Variants in ZYX observed in about 807,000 individuals in gnomAD.
The protein encoded by ZYX is zyxin, also known as zyxin-2.
Under a neutral mutation model 58.1 loss-of-function variants are expected in ZYX, and 37 were observed. That is an observed-to-expected ratio of 0.64 (90% confidence interval 0.49 to 0.84). ZYX has a LOEUF of 0.84. Among genes scored for constraint, ZYX ranks in the 40% least tolerant of loss-of-function variants. ZYX has a pLI of 0.00. For synonymous variants in ZYX, 324 were observed against 321.1 expected, an observed-to-expected ratio of 1.01 and a Z score of -0.10; for missense variants, 762 against 761.6, an observed-to-expected ratio of 1.00 and a Z score of -0.01.
chr7:143,386,574 G>A (rs1205898559), intron 5 of ZYX, among the ~76,000 whole-genome samples: 1 of 152,132 alleles, frequency 6.6e-6, no homozygotes, highest in Non-Finnish European at 1.5e-5. Flanking sequence ...GAAGAGGGTG[G>A]TGGTGTGACT....
Position 143,384,359 on chromosome 7 carries a change from GA to G in ZYX, c.1023+1040del, listed in dbSNP as rs1408967203. ...AGAGGAGAGGGATGTTTGGAGAACA[GA>G]AAGTGGAAGGTTCCTGTAGGAAAAT... On this transcript the variant is annotated intron_variant, in intron 5 of 9. Coordinates refer to ENST00000322764, the MANE Select transcript of ZYX (RefSeq NM_003461.5). This position sits in a 1 kb window ranked among gnomAD's most constrained non-coding sequence, Gnocchi z 4.9. The G allele has an allele frequency of 2.3e-6, 1 of 437,590 alleles. No homozygotes were observed. Among genetic ancestry groups the G allele is most frequent in the African/African-American group, 2.0e-5 (1 of 49,212 alleles). 27.1% of individuals were successfully genotyped at this position (437,590 alleles called of 1,614,324 possible). A position where few individuals can be genotyped will look rare whatever the true frequency, so the allele number is the denominator to read the frequency against.
chr7:143,389,795 G>A lies in ZYX; in HGVS notation c.1494-62G>A, dbSNP rs1805003608. On this transcript the variant is annotated intron_variant, in intron 8 of 9. Transcript: ENST00000322764. The surrounding 1 kb of genome is among the most constrained non-coding windows in gnomAD (Gnocchi z 5.6). ...TTCCTTGCTGCCCAACCTGGCTTAT[G>A]CGTGCGCACACCGGGGATGAAAGCC... 8.7e-6 allele frequency: 14 copies of A among 1,600,400 alleles called. No homozygotes were observed. The South Asian group carries it at 1.2e-4, about 14-fold the overall frequency.
rs971989219 is a variant in ZYX, at chr7:143,381,637, G to T, written c.66G>T (p.Pro22=). 1.9e-6 allele frequency: 3 copies of T among 1,612,160 alleles called. No individual in the cohort carries two copies. Among genetic ancestry groups the T allele is most frequent in the African/African-American group, 1.3e-5 (1 of 74,912 alleles). ...VSVSAPAFYA[P]QKKFGPVVAP... is the part of the protein sequence containing the mutation. ...TCTCGGCTCCGGCTTTTTACGCCCC[G>T]CAGAAGAAGTTCGGCCCTGTGGTGG... The change falls in exon 2 of 10, where the codon CCG becomes CCT. Residue 22 remains proline, a synonymous_variant. Transcript: ENST00000322764.
chr7:143,384,851 A>AG lies in ZYX; in HGVS notation c.1023+1533dup, dbSNP rs1804798148. Among the ~76,000 whole-genome samples the AG allele has an allele frequency of 6.6e-6, 1 of 152,038 alleles. No homozygotes were observed. The highest frequency in any genetic ancestry group is 6.6e-5 in the Admixed American group (1 of 15,258). On this transcript the variant is annotated intron_variant, in intron 5 of 9. Transcript: ENST00000322764. This position sits in a 1 kb window ranked among gnomAD's most constrained non-coding sequence, Gnocchi z 4.9. Reference sequence around the variant, plus strand: ...GGGAAATGGTTTGGACGGGAAGAGGAGGGGTCCAGCTGTCAACGTTTTGAG... The same window carrying AG: ...GGGAAATGGTTTGGACGGGAAGAGGAGGGGGTCCAGCTGTCAACGTTTTGAG...
In ZYX at chr7:143,390,629, C is replaced by A. The variant is rs1472872492; in HGVS notation, c.1666C>A (p.Leu556Met). ...GGCAGATGACAATGGCTGCTTCCCC[C>A]TGGACGGTCACGTGCTCTGTCGGAA... ...IEADDNGCFP[L>M]DGHVLCRKCH... Residue 556 changes from leucine (L) to methionine (M), a missense_variant, in exon 10 of 10, where the codon CTG becomes ATG. Leu to Met is a conservative substitution (Grantham distance 15, BLOSUM62 2). Transcript: ENST00000322764. This position sits in a 1 kb window ranked among gnomAD's most constrained non-coding sequence, Gnocchi z 4.3. The A allele has an allele frequency of 6.3e-7, 1 of 1,587,418 alleles. No individual in the cohort carries two copies. Among genetic ancestry groups the A allele is most frequent in the Admixed American group, 1.8e-5 (1 of 55,944 alleles).
chr7:143,390,980 G>A lies in ZYX; in HGVS notation c.*298G>A, dbSNP rs962420339. 2.4e-5 allele frequency: 10 copies of A among 413,380 alleles called. No individual in the cohort carries two copies. The highest frequency in any genetic ancestry group is 8.2e-5 in the South Asian group (3 of 36,440). The allele number at this position is 413,380 out of a possible 1,614,324, so 25.6% of individuals were successfully genotyped here. On this transcript the variant is annotated 3_prime_UTR_variant, in exon 10 of 10. Coordinates refer to ENST00000322764, the MANE Select transcript of ZYX (RefSeq NM_003461.5). This position sits in a 1 kb window ranked among gnomAD's most constrained non-coding sequence, Gnocchi z 4.3. ...CTTTCACTGCTGCACCCGCGCCCTC[G>A]GCCGGCCCCCCGAGCAGCCTTTGTA... is the stretch of plus-strand genomic sequence containing the variant.
intron 5 of ZYX, chr7:143,383,952 A>G (rs753837104): frequency 4.7e-5 from 12 of 253,950 alleles, no homozygotes; most frequent in Non-Finnish European, 8.8e-5. Context: ...CAGTTTCTCA[A>G]TCTTTAACAT....
In ZYX at chr7:143,382,631, C is replaced by T. The variant is rs1259948531; in HGVS notation, c.447C>T (p.Asp149=). The T allele has an allele frequency of 6.8e-6, 11 of 1,613,982 alleles. No homozygotes were observed. In the African/African-American group the frequency reaches 1.3e-4, roughly 20 times the overall value. ...EKVSSIDLEI[D]SLSSLLDDMT... ...TGAGCAGTATTGATTTGGAGATCGA[C>T]TCTCTGTCCTCACTGCTGGATGACA... Residue 149 remains aspartate, a synonymous_variant, in exon 4 of 10, where the codon GAC becomes GAT. Coordinates refer to ENST00000322764, the MANE Select transcript of ZYX (RefSeq NM_003461.5).
chr7:143,381,480 G>T, intron 1 of ZYX, 71 bp downstream of exon 1: 1 of 1,395,636 alleles, frequency 7.2e-7, no homozygotes. Flanking sequence ...GGCGAGTGGG[G>T]GTCACCAAGG....
Position 143,390,314 on chromosome 7 carries a change from A to G in ZYX, c.1615-264A>G. ...TTCGAATGGAGGTGAGCCAACCTCT[A>G]TTTTATTAGGGTGGTGGTGGGCAGG... On this transcript the variant is annotated intron_variant, in intron 9 of 9. Coordinates refer to ENST00000322764, the MANE Select transcript of ZYX (RefSeq NM_003461.5). The surrounding 1 kb of genome is among the most constrained non-coding windows in gnomAD (Gnocchi z 4.3). 1.8e-6 allele frequency: 1 copy of G among 556,280 alleles called. No homozygotes were observed. Among genetic ancestry groups the G allele is most frequent in the East Asian group, 3.1e-5 (1 of 32,680 alleles). 34.5% of individuals were successfully genotyped at this position (556,280 alleles called of 1,614,324 possible).
chr7:143,388,269 G>A lies in ZYX; in HGVS notation c.1074G>A (p.Glu358=), dbSNP rs752282789. The A allele has an allele frequency of 1.2e-6, 2 of 1,613,410 alleles. No individual in the cohort carries two copies. The highest frequency in any genetic ancestry group is 1.3e-5 in the African/African-American group (1 of 74,958). ...PGPLTLKEVE[E]LEQLTQQLMQ... ...CCCTGACTCTGAAGGAGGTGGAGGA[G>A]CTGGAGCAGCTGACCCAGCAGCTAA... is the stretch of plus-strand genomic sequence containing the variant. Residue 358 remains glutamate (E), a synonymous_variant, in exon 6 of 10, where the codon GAG becomes GAA. Coordinates refer to ENST00000322764, the MANE Select transcript of ZYX (RefSeq NM_003461.5). This position sits in a 1 kb window ranked among gnomAD's most constrained non-coding sequence, Gnocchi z 7.5.
At chr7:143,385,420 T>G (rs966700190) in intron 5 of ZYX, among the ~76,000 whole-genome samples, 1 of 151,388 alleles carries the variant, frequency 6.6e-6, no homozygotes, top group African/African-American at 2.4e-5. Context: ...TATGTGCATG[T>G]GTGAGCATGA....
At position 143,388,334 on chromosome 7, in the gene ZYX, TCAA is replaced by T. The variant is rs757322081; in HGVS notation, c.1141_1143del (p.Asn381del). 1.2e-6 allele frequency: 2 copies of T among 1,613,674 alleles called. No individual in the cohort carries two copies. The highest frequency in any genetic ancestry group is 1.7e-6 in the Non-Finnish European group (2 of 1,179,786). The stretch of plus-strand genomic sequence containing the variant: ...CATCCTCAGAGGCAGAATGTGGCTG[TCAA>T]CGGTGAGCCCACCCCACCGGGACAC... On this transcript the variant is annotated inframe_deletion and splice_region_variant, in exon 6 of 10. Coordinates refer to ENST00000322764, the MANE Select transcript of ZYX (RefSeq NM_003461.5). The surrounding 1 kb of genome is among the most constrained non-coding windows in gnomAD (Gnocchi z 7.5).
rs1370475429 is a variant in ZYX at position 143,390,703 on chromosome 7, G to C, written c.*21G>C. ...CCTGAGTGAGGACAGGCCCTCTTCA[G>C]ACCGCAGTCCATGCCCCATTGTGGA... On this transcript the variant is annotated 3_prime_UTR_variant, in exon 10 of 10. Coordinates refer to ENST00000322764, the MANE Select transcript of ZYX (RefSeq NM_003461.5). The surrounding 1 kb of genome is among the most constrained non-coding windows in gnomAD (Gnocchi z 4.3). 6.5e-7 allele frequency: 1 copy of C among 1,545,732 alleles called. No homozygotes were observed. Among genetic ancestry groups the C allele is most frequent in the Admixed American group, 1.9e-5 (1 of 51,864 alleles).
At position 143,389,835 on chromosome 7, in the gene ZYX, T is replaced by C. The variant is rs778420431; in HGVS notation, c.1494-22T>C. ...GGATGAAAGCCCTGGCTAACTCGGC[T>C]GGCCCTTTCTGCCCCTTCCAGGCAG... On this transcript the variant is annotated intron_variant, in intron 8 of 9. Coordinates refer to ENST00000322764, the MANE Select transcript of ZYX (RefSeq NM_003461.5). The surrounding 1 kb of genome is among the most constrained non-coding windows in gnomAD (Gnocchi z 5.6). 3.1e-6 allele frequency: 5 copies of C among 1,613,092 alleles called. No homozygotes were observed. The highest frequency in any genetic ancestry group is 1.1e-5 in the South Asian group (1 of 91,056).
At position 143,388,282 on chromosome 7, in the gene ZYX, A is replaced by T. The variant is rs977400072; in HGVS notation, c.1087A>T (p.Thr363Ser). ...LKEVEELEQL[T>S]QQLMQDMEHP... ...GGAGGTGGAGGAGCTGGAGCAGCTGACCCAGCAGCTAATGCAGGACATGGA... is the reference window on the plus strand; with the variant it reads ...GGAGGTGGAGGAGCTGGAGCAGCTGTCCCAGCAGCTAATGCAGGACATGGA... Residue 363 changes from threonine to serine, a missense_variant, in exon 6 of 10, where the codon ACC (threonine) becomes TCC (serine). Coordinates refer to ENST00000322764, the MANE Select transcript of ZYX (RefSeq NM_003461.5). The surrounding 1 kb of genome is among the most constrained non-coding windows in gnomAD (Gnocchi z 7.5). 6.2e-7 allele frequency: 1 copy of T among 1,613,540 alleles called. No individual in the cohort carries two copies. Among genetic ancestry groups the T allele is most frequent in the South Asian group, 1.1e-5 (1 of 91,060 alleles).
At position 143,382,609 on chromosome 7, in the gene ZYX, G is replaced by A. The variant is rs775663781; in HGVS notation, c.425G>A (p.Ser142Asn). 4 of 1,614,048 alleles carry A rather than the reference G, an allele frequency of 2.5e-6. No homozygotes were observed. The highest frequency in any genetic ancestry group is 3.4e-6 in the Non-Finnish European group (4 of 1,179,972). Reference sequence around the variant, plus strand: ...ACCCTCTAGCCCAGGGAGAAGGTGAGCAGTATTGATTTGGAGATCGACTCT... The same window carrying A: ...ACCCTCTAGCCCAGGGAGAAGGTGAACAGTATTGATTTGGAGATCGACTCT... ...PPPPQPREKVSSIDLEIDSLS... is the reference protein window; with the variant it reads ...PPPPQPREKVNSIDLEIDSLS... The change falls in exon 4 of 10, where the codon AGC (serine) becomes AAC (asparagine). Residue 142 changes from serine (S) to asparagine (N), a missense_variant. Coordinates refer to ENST00000322764, the MANE Select transcript of ZYX (RefSeq NM_003461.5).
chr7:143,382,550 G>A (rs148236339), intron 3 of ZYX, 43 bp from the exon 4 acceptor site: 1 of 1,608,044 alleles, frequency 6.2e-7, no homozygotes, highest in East Asian at 2.2e-5. Context: ...GGGGGTGGGG[G>A]GATAGAGGCA....
intron 1 of ZYX, 56 bp downstream of exon 1, chr7:143,381,465 G>A: frequency 7.6e-7 from 1 of 1,313,344 alleles, no homozygotes; most frequent in Non-Finnish European, 9.7e-7. Flanking sequence ...GGGGCGCCGG[G>A]AGGGGGCGAG....
Sources: allele counts gnomAD v4.1 joint callset (sites outside exome capture counted in the v4.1 genomes callset), GRCh38; gene constraint gnomAD v4.1.1; non-coding constraint Gnocchi (gnomAD v3.1); transcripts MANE v1.5; gene names NCBI Gene and HGNC (gene_info 2026-07-23, HGNC 2026-07-21).